Variants in ANKRD36 observed in about 807,000 individuals in gnomAD.
ANKRD36 encodes ankyrin repeat domain-containing protein 36A.
A neutral mutation model predicts 278.1 loss-of-function variants in ANKRD36; 179 were observed. That is an observed-to-expected ratio of 0.64 (90% CI 0.57 to 0.73). The LOEUF (loss-of-function observed/expected upper bound fraction) is 0.73, where lower values mean the gene tolerates loss of function less well. Ranked by LOEUF, ANKRD36 falls within the 30% of genes least tolerant of loss-of-function variation. ANKRD36 has a pLI of 0.00. For missense variants in ANKRD36, 1,159 were observed against 1,956.7 expected, an observed-to-expected ratio of 0.59 and a Z score of 7.69; for synonymous variants, 320 against 641.1, an observed-to-expected ratio of 0.50 and a Z score of 7.57.
At chr2:97,181,948 T>C (rs1198152383) in intron 26 of ANKRD36, among the ~76,000 whole-genome samples, 155 bp downstream of exon 26, 1 of 151,002 alleles carries the variant, frequency 6.6e-6, no homozygotes, top group Non-Finnish European at 1.5e-5. Flanking sequence ...ATGCTGCTGG[T>C]CTTCGACATG....
intron 62 of ANKRD36, 63 bp from the exon 63 acceptor site, chr2:97,217,114 G>T: frequency 6.5e-7 from 1 of 1,540,882 alleles, no homozygotes; most frequent in Non-Finnish European, 8.8e-7. Context: ...AACACTGCAT[G>T]AATGTATGGA....
Position 97,203,157 on chromosome 2 carries a change from T to C in ANKRD36, c.2959+764T>C, listed in dbSNP as rs564496689. On this transcript the variant is annotated intron_variant, in intron 48 of 75. Transcript: ENST00000420699. ...GTTTCCTTGTTCAAGGAGCTACCTC[T>C]TGGATACCATAGCTATTTCATGAAA... 2.6e-4 allele frequency among the ~76,000 whole-genome samples: 40 copies of C among 151,914 alleles called. No homozygotes were observed. The East Asian group carries it at 7.4e-3, about 28-fold the overall frequency.
chr2:97,127,222 A>G (rs1480996712), intron 6 of ANKRD36, 88 bp downstream of exon 6: 4 of 595,352 alleles, frequency 6.7e-6, no homozygotes, highest in Non-Finnish European at 7.9e-6. Context: ...AAGCAGTTTA[A>G]AAAAATCACT....
In ANKRD36 at chr2:97,206,681, G is replaced by A. The variant is rs535962438; in HGVS notation, c.3163+546G>A. ...AAACCTGAGTGAACTCACTTCAGAT[G>A]CATTTGGAATATTTTAATAAAAAGT... On this transcript the variant is annotated intron_variant, in intron 52 of 75. Transcript: ENST00000420699. 4.0e-5 allele frequency among the ~76,000 whole-genome samples: 6 copies of A among 151,520 alleles called. No homozygotes were observed. In the East Asian group the frequency reaches 1.2e-3, roughly 30 times the overall value.
At chr2:97,146,615 A>G (rs1300762576) in intron 11 of ANKRD36, 99 bp downstream of exon 11, 22 of 1,109,002 alleles carry the variant, frequency 2.0e-5, no homozygotes, top group Non-Finnish European at 2.4e-5. Flanking sequence ...GCTAGACACC[A>G]TATTACATGC....
intron 1 of ANKRD36, among the ~76,000 whole-genome samples, chr2:97,116,038 CACAA>C (rs991271437): frequency 1.1e-4 from 16 of 151,900 alleles, no homozygotes; most frequent in East Asian, 7.7e-4. Context: ...TATACATACA[CACAA>C]ACAATCTATG....
At chr2:97,169,164 A>T (rs532229776) in intron 22 of ANKRD36, among the ~76,000 whole-genome samples, 1 of 152,354 alleles carries the variant, frequency 6.6e-6, no homozygotes, top group South Asian at 2.1e-4. Context: ...CTGGCATAAG[A>T]TGGTATCTCA....
chr2:97,133,244 C>T (rs1416604662), intron 6 of ANKRD36, among the ~76,000 whole-genome samples: 1 of 151,408 alleles, frequency 6.6e-6, no homozygotes, highest in Non-Finnish European at 1.5e-5. Context: ...TAGTGAATAA[C>T]ATGGTAATAT....
intron 34 of ANKRD36, among the ~76,000 whole-genome samples, chr2:97,190,741 C>T (rs1318274804): frequency 2.0e-5 from 3 of 151,522 alleles, no homozygotes; most frequent in Admixed American, 6.6e-5. Flanking sequence ...TTTTAGTTTT[C>T]GACATATGAC....
In ANKRD36 at chr2:97,196,604, A is replaced by C. The variant is rs763278705; in HGVS notation, c.2563A>C (p.Lys855Gln). 1 of 1,604,668 alleles carries C rather than the reference A, an allele frequency of 6.2e-7. No individual in the cohort carries two copies. The highest frequency in any genetic ancestry group is 8.5e-7 in the Non-Finnish European group (1 of 1,178,746). ...CTTTTGCTTTTCAGTGTCTTCTCAG[A>C]AACCACCAACCTTGAAGGTAATGAA... ...GEISRKVSSQ[K>Q]PPTLKGTSDE... The change falls in exon 41 of 76, where the codon AAA becomes CAA. Residue 855 changes from lysine (K) to glutamine (Q), a missense_variant. Coordinates refer to ENST00000420699, the MANE Select transcript of ANKRD36 (RefSeq NM_001354587.1).
intron 50 of ANKRD36, among the ~76,000 whole-genome samples, chr2:97,204,730 A>G (rs958570049): frequency 3.1e-4 from 47 of 151,674 alleles, no homozygotes; most frequent in Non-Finnish European, 5.9e-5. Context: ...ATTGTGAGGC[A>G]GGAAGGTGTG....
chr2:97,207,160 G>T (rs1242359972), intron 52 of ANKRD36, among the ~76,000 whole-genome samples: 5 of 151,408 alleles, frequency 3.3e-5, no homozygotes, highest in Non-Finnish European at 7.4e-5. Flanking sequence ...TGCCATGACT[G>T]GATGAAGAAA....
At chr2:97,158,202 A>G (rs1228781028) in intron 16 of ANKRD36, 35 bp downstream of exon 16, 2 of 1,397,610 alleles carry the variant, frequency 1.4e-6, no homozygotes, top group South Asian at 1.3e-5. Flanking sequence ...TATATTATCT[A>G]CTGAATCTTT....
At chr2:97,164,556 C>G in intron 20 of ANKRD36, 87 bp downstream of exon 20, 1 of 1,418,228 alleles carries the variant, frequency 7.1e-7, no homozygotes, top group Non-Finnish European at 9.6e-7. Flanking sequence ...CACTTTTTAT[C>G]CAAGTGAGAT....
chr2:97,131,541 G>A (rs1162836259), intron 6 of ANKRD36, among the ~76,000 whole-genome samples: 2 of 151,778 alleles, frequency 1.3e-5, no homozygotes, highest in Non-Finnish European at 2.9e-5. Flanking sequence ...AGTCCTATTG[G>A]CCCTTAATAA....
At chr2:97,219,008 A>G (rs767456500) in intron 64 of ANKRD36, 42 bp from the exon 65 acceptor site, 17 of 1,536,372 alleles carry the variant, frequency 1.1e-5, no homozygotes, top group Middle Eastern at 1.7e-4. Flanking sequence ...TGGCCTTACC[A>G]TATTTACATA....
intron 67 of ANKRD36, among the ~76,000 whole-genome samples, chr2:97,229,090 G>GTGTGT (rs1305118891): frequency 6.6e-6 from 1 of 151,120 alleles, no homozygotes; most frequent in Admixed American, 6.6e-5. Context: ...GTGTGGTGTG[G>GTGTGT]TGCTGAAAAA....
intron 22 of ANKRD36, among the ~76,000 whole-genome samples, chr2:97,171,887 C>T (rs2052661598): frequency 6.6e-6 from 1 of 151,994 alleles, no homozygotes; most frequent in African/African-American, 2.4e-5. Context: ...ACACCAAAAG[C>T]AATGGCAACA....
At chr2:97,218,557 G>A (rs935508698) in intron 64 of ANKRD36, among the ~76,000 whole-genome samples, 3 of 151,544 alleles carry the variant, frequency 2.0e-5, no homozygotes, top group African/African-American at 4.9e-5. Flanking sequence ...CTGAAGACAC[G>A]TGAAGTGTAT....
Sources: gnomAD v4.1 joint callset for allele counts (sites outside exome capture counted in the v4.1 genomes callset) on GRCh38, gnomAD v4.1.1 for gene constraint, MANE v1.5 for transcripts, NCBI Gene and HGNC (gene_info 2026-07-23, HGNC 2026-07-21) for gene names.